Variants in CTNNBL1 observed in about 807,000 individuals in gnomAD.
CTNNBL1 encodes the protein beta-catenin-like protein 1.
A neutral mutation model predicts 72.7 loss-of-function variants in CTNNBL1; 31 were observed. That is an observed-to-expected ratio of 0.43 (90% CI 0.32 to 0.58). The LOEUF is 0.58. Among genes scored for constraint, CTNNBL1 ranks in the 20% least tolerant of loss-of-function variants. CTNNBL1 has a pLI of 0.08. For missense variants in CTNNBL1, 534 were observed against 725.1 expected (o/e 0.74, Z 3.03); for synonymous variants, 240 against 267.3 (o/e 0.90, Z 1.00).
At chr20:37,732,161 T>C (rs1178158480) in intron 1 of CTNNBL1, among the ~76,000 whole-genome samples, 2 of 152,242 alleles carry the variant, frequency 1.3e-5, no homozygotes, top group African/African-American at 4.8e-5. Context: ...TGATGATTAG[T>C]GATGGTAAGC....
intron 11 of CTNNBL1, among the ~76,000 whole-genome samples, chr20:37,822,134 G>T (rs1049649620): frequency 6.6e-6 from 1 of 152,148 alleles, no homozygotes; most frequent in Non-Finnish European, 1.5e-5. Flanking sequence ...TCTGCTTCCT[G>T]TGCCAGCGTG....
chr20:37,781,702 ATCT>A (rs1269037228), intron 10 of CTNNBL1, among the ~76,000 whole-genome samples: 5 of 152,100 alleles, frequency 3.3e-5, no homozygotes, highest in Admixed American at 2.0e-4. Flanking sequence ...ACCCTTTCTG[ATCT>A]TCTAGTAAGA....
intron 11 of CTNNBL1, among the ~76,000 whole-genome samples, chr20:37,820,973 G>T (rs1053678660): frequency 6.6e-6 from 1 of 152,148 alleles, no homozygotes; most frequent in African/African-American, 2.4e-5. Context: ...CATGACAGAA[G>T]ACCTGCCCCT....
Position 37,855,644 on chromosome 20 carries a change from A to C in CTNNBL1, c.1393-4255A>C, listed in dbSNP as rs1012195802. ...TGATGCCCTGGTCTTCCAGCTATGC[A>C]CTCTACCTGCCTCTCGATGCTCTAA... On this transcript the variant is annotated intron_variant, in intron 13 of 15. Transcript: ENST00000361383. Among the ~76,000 whole-genome samples, 7 of 150,934 alleles carry C rather than the reference A, an allele frequency of 4.6e-5. No individual in the cohort carries two copies. In the East Asian group the frequency reaches 1.4e-3, roughly 29 times the overall value.
At chr20:37,802,552 A>T (rs1047997578) in intron 10 of CTNNBL1, among the ~76,000 whole-genome samples, 1 of 152,232 alleles carries the variant, frequency 6.6e-6, no homozygotes, top group Non-Finnish European at 1.5e-5. Context: ...GAATAATGAA[A>T]TGTCTATAAT....
intron 5 of CTNNBL1, among the ~76,000 whole-genome samples, chr20:37,761,400 T>C (rs1005186900): frequency 3.3e-5 from 5 of 152,268 alleles, no homozygotes; most frequent in African/African-American, 1.2e-4. Flanking sequence ...TTGGACTTGG[T>C]TGGCAATGGA....
chr20:37,715,670 A>G (rs370798816), intron 1 of CTNNBL1, among the ~76,000 whole-genome samples: 18 of 152,118 alleles, frequency 1.2e-4, no homozygotes, highest in East Asian at 9.6e-4. Flanking sequence ...TTTTTTTGGT[A>G]TGTTTACTGG....
At chr20:37,723,554 A>G (rs767767706) in intron 1 of CTNNBL1, among the ~76,000 whole-genome samples, 1 of 152,150 alleles carries the variant, frequency 6.6e-6, no homozygotes, top group Non-Finnish European at 1.5e-5. Context: ...GACATAATTA[A>G]TTGATCTTTT....
intron 9 of CTNNBL1, among the ~76,000 whole-genome samples, chr20:37,778,607 C>A (rs2073597140): frequency 1.3e-5 from 2 of 152,170 alleles, no homozygotes; most frequent in South Asian, 4.1e-4. Flanking sequence ...ATGCTGTAAG[C>A]CCTTCCCATG....
intron 11 of CTNNBL1, among the ~76,000 whole-genome samples, chr20:37,819,495 C>A (rs2072086992): frequency 1.3e-5 from 2 of 152,080 alleles, no homozygotes; most frequent in Non-Finnish European, 1.5e-5. Context: ...CATTGGTATA[C>A]CTGAGTGTTT....
At chr20:37,727,596 G>A (rs1027794043) in intron 1 of CTNNBL1, among the ~76,000 whole-genome samples, 10 of 152,228 alleles carry the variant, frequency 6.6e-5, no homozygotes, top group Admixed American at 6.5e-4. Context: ...GGCAGCAGAG[G>A]CAGAGAAATG....
chr20:37,699,396 GT>G (rs1458122829), intron 1 of CTNNBL1, among the ~76,000 whole-genome samples: 5 of 152,202 alleles, frequency 3.3e-5, no homozygotes, highest in Admixed American at 1.3e-4. Flanking sequence ...GCCTTCTGAG[GT>G]TGGCAGCATG....
rs569640539 is a variant in CTNNBL1, at chr20:37,790,369, G to GT, written c.1031+11035dup. Among the ~76,000 whole-genome samples the GT allele has an allele frequency of 4.0e-3, 612 of 152,092 alleles. 2 individuals carry two copies. The highest frequency in any genetic ancestry group is 0.014 in the African/African-American group (588 of 41,476). On this transcript the variant is annotated intron_variant, in intron 10 of 15. Coordinates refer to ENST00000361383, the MANE Select transcript of CTNNBL1 (RefSeq NM_030877.5). ...CTAGAGTCTTTTCTTCTAACCTCCA[G>GT]TCTCCCAGGATTCAAGTGCAAAAGC...
intron 1 of CTNNBL1, among the ~76,000 whole-genome samples, chr20:37,703,967 G>A (rs2072865140): frequency 6.6e-6 from 1 of 151,936 alleles, no homozygotes; most frequent in African/African-American, 2.4e-5. Flanking sequence ...AGTAGAAACG[G>A]GGTTTCTCCG....
chr20:37,724,847 A>T (rs768115569), intron 1 of CTNNBL1, among the ~76,000 whole-genome samples: 3 of 151,458 alleles, frequency 2.0e-5, no homozygotes, highest in Non-Finnish European at 2.9e-5. Context: ...GTTTGTTGTC[A>T]TTGTGTCTTA....
At chr20:37,849,608 A>G (rs374451214) in intron 13 of CTNNBL1, among the ~76,000 whole-genome samples, 44 of 152,344 alleles carry the variant, frequency 2.9e-4, no homozygotes, top group African/African-American at 9.9e-4. Context: ...AAATTAGTCA[A>G]TAAACATGTA....
intron 3 of CTNNBL1, among the ~76,000 whole-genome samples, chr20:37,745,667 T>G (rs531453404): frequency 6.6e-6 from 1 of 152,204 alleles, no homozygotes; most frequent in Non-Finnish European, 1.5e-5. Context: ...GTTTAACCAC[T>G]GCTTCCTCTC....
intron 15 of CTNNBL1, among the ~76,000 whole-genome samples, chr20:37,867,277 C>T (rs774466004): frequency 1.2e-3 from 181 of 152,126 alleles, no homozygotes; most frequent in Non-Finnish European, 2.4e-3. Flanking sequence ...TCTCTCCTCC[C>T]TCTTCCTCCT....
chr20:37,869,642 G>C (rs1209181220), intron 15 of CTNNBL1, among the ~76,000 whole-genome samples: 1 of 152,236 alleles, frequency 6.6e-6, no homozygotes, highest in South Asian at 2.1e-4. Flanking sequence ...CTGGGGCCGG[G>C]TGTGGGAGTG....
Sources: gnomAD v4.1 joint callset for allele counts (sites outside exome capture counted in the v4.1 genomes callset) on GRCh38, gnomAD v4.1.1 for gene constraint, MANE v1.5 for transcripts, NCBI Gene and HGNC (gene_info 2026-07-23, HGNC 2026-07-21) for gene names.